The following COL4A5 variants were observed in gnomAD, a reference collection of about 807,000 sequenced individuals.
COL4A5 encodes the protein collagen alpha-5(IV) chain.
In COL4A5, 26 loss-of-function variants were observed where a neutral mutation model predicts 130.2. That is an observed-to-expected ratio of 0.20 (90% CI 0.15 to 0.28). COL4A5 has a LOEUF of 0.28. COL4A5 is among the 10% of genes least tolerant of loss of function. The pLI is 1.00. For synonymous variants in COL4A5, 496 were observed against 439.6 expected (o/e 1.13, Z -1.60); for missense variants, 1,131 against 1,344.3 (o/e 0.84, Z 2.48).
At chrX:108,532,351 A>C (rs2065396305) in intron 1 of COL4A5, among the ~76,000 whole-genome samples, 1 of 111,930 alleles carries the variant, frequency 8.9e-6, no homozygotes, top group Non-Finnish European at 1.9e-5. Flanking sequence ...CAATAGATGC[A>C]GAAAAGGCAT....
intron 36 of COL4A5, among the ~76,000 whole-genome samples, chrX:108,631,695 C>CT (rs1422211527): frequency 9.0e-6 from 1 of 111,511 alleles, no homozygotes; most frequent in East Asian, 2.8e-4. Context: ...AACCGCATGA[C>CT]TACATGGAAA....
At chrX:108,626,871 A>G in intron 36 of COL4A5, 4 of 770,987 alleles carry the variant, frequency 5.2e-6, no homozygotes, top group Non-Finnish European at 6.2e-6. Context: ...TTTCAGAATC[A>G]TTGGACTCAA....
At chrX:108,518,412 T>C (rs1015103344) in intron 1 of COL4A5, among the ~76,000 whole-genome samples, 1 of 111,003 alleles carries the variant, frequency 9.0e-6, no homozygotes, top group Non-Finnish European at 1.9e-5. Context: ...AAAGAAGCAA[T>C]TGGTAATTTG....
At chrX:108,526,115 TC>T (rs1357254113) in intron 1 of COL4A5, among the ~76,000 whole-genome samples, 3 of 111,088 alleles carry the variant, frequency 2.7e-5, no homozygotes, top group African/African-American at 9.8e-5. Context: ...ACTTGTTCCT[TC>T]CTGTGAGATA....
intron 1 of COL4A5, among the ~76,000 whole-genome samples, chrX:108,478,626 T>C (rs1257955945): frequency 8.9e-6 from 1 of 111,820 alleles, no homozygotes; most frequent in East Asian, 2.8e-4. Context: ...TTCAGGATGA[T>C]GGGGAACATG....
intron 47 of COL4A5, among the ~76,000 whole-genome samples, chrX:108,683,929 TTGAATAGGAG>T (rs1369280706): frequency 2.7e-5 from 3 of 111,586 alleles, no homozygotes. Context: ...CAATACTATG[TTGAATAGGAG>T]TGAACTCAGG....
chrX:108,443,302 A>G (rs891137310), intron 1 of COL4A5, among the ~76,000 whole-genome samples: 16 of 112,342 alleles, frequency 1.4e-4, no homozygotes, highest in African/African-American at 4.8e-4. Context: ...TTATGTAATC[A>G]CAATATGTAA....
In COL4A5 at chrX:108,580,575, C is replaced by T. The variant is rs376031029; in HGVS notation, c.823C>T (p.Arg275Cys). 83 of 1,206,573 alleles carry T rather than the reference C, an allele frequency of 6.9e-5. No homozygotes were observed. The highest frequency in any genetic ancestry group is 1.1e-4 in the Admixed American group (5 of 45,649). ...AGGGCCTCCTGGACCTCCAGGGATA[C>T]GTGGTCCTCCAGTAAGTACCTAAAG... is the stretch of plus-strand genomic sequence containing the variant. ...DRGPPGPPGI[R>C]GPPGPPGGEK... The change falls in exon 14 of 53, where the codon CGT becomes TGT. Residue 275 changes from arginine (R) to cysteine (C), a missense_variant. Transcript: ENST00000328300.
intron 1 of COL4A5, among the ~76,000 whole-genome samples, chrX:108,485,609 A>G (rs7876473): frequency 0.11 from 11,526 of 109,555 alleles, 1,343 homozygotes; most frequent in African/African-American, 0.34. Context: ...TCACCTGGGG[A>G]TTAGGACATG....
chrX:108,444,604 TGG>T (rs2064434599), intron 1 of COL4A5, among the ~76,000 whole-genome samples: 1 of 111,995 alleles, frequency 8.9e-6, no homozygotes. Context: ...TATTGGAGAA[TGG>T]TATGTAGAAG....
intron 21 of COL4A5, among the ~76,000 whole-genome samples, chrX:108,593,584 T>C (rs1055025590): frequency 9.0e-6 from 1 of 111,694 alleles, no homozygotes; most frequent in East Asian, 2.8e-4. Flanking sequence ...TTCAATTAAT[T>C]TTTGTGTATA....
chrX:108,522,215 G>A (rs1227787371), intron 1 of COL4A5, among the ~76,000 whole-genome samples: 2 of 109,594 alleles, frequency 1.8e-5, no homozygotes, highest in East Asian at 5.7e-4. Context: ...ATTTTTTCAT[G>A]GACATTTAGG....
intron 1 of COL4A5, among the ~76,000 whole-genome samples, chrX:108,450,512 T>C (rs987569339): frequency 6.2e-5 from 7 of 112,398 alleles, no homozygotes; most frequent in Admixed American, 2.8e-4. Flanking sequence ...GGAAAACTAC[T>C]GGCAGTATTT....
chrX:108,586,589 T>A (rs2066338395), intron 18 of COL4A5, 26 bp from the exon 19 acceptor site: 1 of 1,181,097 alleles, frequency 8.5e-7, no homozygotes. Context: ...TGCATTTCTT[T>A]ATTTTTTTTT....
chrX:108,549,132 A>G (rs1463646056), intron 2 of COL4A5, among the ~76,000 whole-genome samples: 1 of 111,796 alleles, frequency 8.9e-6, no homozygotes, highest in Non-Finnish European at 1.9e-5. Flanking sequence ...TTCAAGTGTA[A>G]CAACAGAGAT....
chrX:108,571,759 G>A, intron 7 of COL4A5, 52 bp from the exon 8 acceptor site: 4 of 911,972 alleles, frequency 4.4e-6, no homozygotes, highest in Non-Finnish European at 6.4e-6. Flanking sequence ...TCTGTAATTG[G>A]CGTGTTTCTC....
At chrX:108,594,340 C>T (rs1191693648) in intron 21 of COL4A5, among the ~76,000 whole-genome samples, 1 of 111,622 alleles carries the variant, frequency 9.0e-6, no homozygotes, top group African/African-American at 3.3e-5. Context: ...TGAGCTACCA[C>T]CATCTCTCTC....
chrX:108,594,812 A>G (rs1047614674), intron 21 of COL4A5, among the ~76,000 whole-genome samples: 1 of 109,793 alleles, frequency 9.1e-6, no homozygotes, highest in Non-Finnish European at 1.9e-5. Context: ...ATGTAGTTCT[A>G]TTTTTTCCTA....
intron 2 of COL4A5, among the ~76,000 whole-genome samples, chrX:108,547,584 C>T (rs1171837950): frequency 2.7e-5 from 3 of 112,042 alleles, no homozygotes; most frequent in Admixed American, 9.4e-5. Flanking sequence ...GCAGTCTGTC[C>T]GTTCTCAGAT....
Sources: gnomAD v4.1 joint callset for allele counts (sites outside exome capture counted in the v4.1 genomes callset) on GRCh38, gnomAD v4.1.1 for gene constraint, MANE v1.5 for transcripts, NCBI Gene and HGNC (gene_info 2026-07-23, HGNC 2026-07-21) for gene names.